The following DST variants were observed in gnomAD, a reference collection of about 807,000 sequenced individuals.
The protein encoded by DST is bullous pemphigoid antigen.
Under a neutral mutation model 875.2 loss-of-function variants are expected in DST, and 253 were observed. The observed-to-expected ratio is 0.29, with a 90% CI of 0.26 to 0.32. The LOEUF is 0.32. Ranked by LOEUF, DST falls within the 10% of genes least tolerant of loss-of-function variation. DST has a pLI of 1.00. For missense variants in DST, 8,287 were observed against 9,111.6 expected (o/e 0.91, Z 3.68); for synonymous variants, 3,124 against 3,197.1 (o/e 0.98, Z 0.77).
intron 34 of DST, among the ~76,000 whole-genome samples, chr6:56,625,721 T>C (rs79805230): frequency 0.14 from 21,514 of 150,580 alleles, 3,626 homozygotes; most frequent in African/African-American, 0.41. Flanking sequence ...TGTTTTAGAG[T>C]GTACTCCTAC....
intron 36 of DST, chr6:56,615,456 C>T: frequency 6.2e-7 from 1 of 1,610,502 alleles, no homozygotes; most frequent in Non-Finnish European, 8.5e-7. Context: ...TCATCATACT[C>T]TGAAAAAGTG....
intron 93 of DST, among the ~76,000 whole-genome samples, 167 bp from the exon 94 acceptor site, chr6:56,472,389 T>G (rs1423871439): frequency 6.6e-6 from 1 of 152,208 alleles, no homozygotes; most frequent in Non-Finnish European, 1.5e-5. Flanking sequence ...CCAAATCTGT[T>G]TTCCTTATTA....
rs115303996 is a variant in DST at position 56,915,812 on chromosome 6, C to T, written c.217-15191G>A. On this transcript the variant is annotated intron_variant, in intron 2 of 103. Coordinates refer to ENST00000680361, the MANE Select transcript of DST (RefSeq NM_001374736.1). ...GACCTAAATGTATATGCAAACTGAA[C>T]TGTTAATACTTTACGCAAGGGAAGA... Among the ~76,000 whole-genome samples, 347 of 152,334 alleles carry T rather than the reference C, an allele frequency of 2.3e-3. 3 individuals carry two copies. The highest frequency in any genetic ancestry group is 0.014 in the Middle Eastern group (4 of 294).
At chr6:56,592,966 A>C (rs778488488) in intron 48 of DST, among the ~76,000 whole-genome samples, 2 of 152,294 alleles carry the variant, frequency 1.3e-5, no homozygotes, top group South Asian at 2.1e-4. Context: ...TTAAAATAAC[A>C]TACTGATCAA....
rs201365051 is a variant in DST at position 56,552,300 on chromosome 6, A to G, written c.16492T>C (p.Tyr5498His). Residue 5498 changes from tyrosine (Y) to histidine (H), a missense_variant, in exon 61 of 104, where the codon TAC becomes CAC. By Grantham distance (83) the Tyr-to-His change is moderately conservative. Around this residue, in one of 10 missense-constraint regions of DST, gnomAD observed 777 missense variants for 764.8 expected, o/e 1.02. Coordinates refer to ENST00000680361, the MANE Select transcript of DST (RefSeq NM_001374736.1). Reference protein sequence around the residue: ...EGTIKRLEEFYSKLKEFSILL... With the variant: ...EGTIKRLEEFHSKLKEFSILL... ...ATAGAAAATTCTTTCAATTTGCTGT[A>G]AAATTCTTCAAGGCGCTTAATTGTC... The G allele has an allele frequency of 6.2e-7, 1 of 1,613,968 alleles. No homozygotes were observed. The highest frequency in any genetic ancestry group is 1.3e-5 in the African/African-American group (1 of 75,026).
chr6:56,662,339 C>G (rs903368261), intron 10 of DST, among the ~76,000 whole-genome samples: 1 of 152,176 alleles, frequency 6.6e-6, no homozygotes, highest in Non-Finnish European at 1.5e-5. Context: ...AAGACACATA[C>G]AAAGTTCAGT....
In DST at chr6:56,606,714, AG is replaced by A. The variant is rs1463121152; in HGVS notation, c.7913del (p.Pro2638LeufsTer42). The A allele has an allele frequency of 6.2e-7, 1 of 1,613,424 alleles. No homozygotes were observed. The highest frequency in any genetic ancestry group is 8.5e-7 in the Non-Finnish European group (1 of 1,179,644). ...LDGDDRDCLHPEDYDTLQEEN... is the reference protein window; with the variant it reads ...LDGDDRDCLHXEDYDTLQEEN... ...CCTCTTGCAGTGTGTCGTAGTCCTC[AG>A]GGTGCAGGCAATCACGATCATCACC... On this transcript the variant is annotated frameshift_variant, in exon 40 of 104. Transcript: ENST00000680361. LOFTEE classifies it high-confidence loss of function.
intron 26 of DST, 45 bp from the exon 27 acceptor site, chr6:56,634,303 C>G: frequency 6.2e-7 from 1 of 1,613,048 alleles, no homozygotes; most frequent in East Asian, 2.2e-5. Flanking sequence ...TTTACTCCCT[C>G]TGAAAACACA....
At chr6:56,747,156 C>A (rs1455519135) in intron 4 of DST, among the ~76,000 whole-genome samples, 1 of 152,158 alleles carries the variant, frequency 6.6e-6, no homozygotes, top group Non-Finnish European at 1.5e-5. Context: ...TGCCACAGAA[C>A]AAAACAAATG....
chr6:56,877,593 A>G (rs780021615), intron 3 of DST, among the ~76,000 whole-genome samples: 31 of 152,196 alleles, frequency 2.0e-4, no homozygotes, highest in Non-Finnish European at 3.7e-4. Context: ...ATTTGTTTTT[A>G]TTTTTATGGG....
At chr6:56,530,974 ATT>A (rs1366842503) in intron 64 of DST, among the ~76,000 whole-genome samples, 2 of 152,288 alleles carry the variant, frequency 1.3e-5, no homozygotes, top group East Asian at 3.9e-4. Context: ...GTTTTGAAAA[ATT>A]AGCTTTCTAT....
chr6:56,512,284 C>T (rs905940842), intron 72 of DST, among the ~76,000 whole-genome samples: 1 of 152,078 alleles, frequency 6.6e-6, no homozygotes, highest in East Asian at 1.9e-4. Flanking sequence ...AGTGGATCCC[C>T]ATTCCCTTTA....
chr6:56,851,608 C>A lies in DST; in HGVS notation c.418-4G>T. 1 of 1,613,144 alleles carries A rather than the reference C, an allele frequency of 6.2e-7. No homozygotes were observed. Among genetic ancestry groups the A allele is most frequent in the African/African-American group, 1.3e-5 (1 of 75,010 alleles). ...GATAGGACGCGTTCCCGGAACTCTA[C>A]AGAGAATGACACAGAAAAAGCATTA... On this transcript the variant is annotated splice_polypyrimidine_tract_variant and splice_region_variant and intron_variant, in intron 3 of 103. Transcript: ENST00000680361.
chr6:56,920,048 A>T (rs1803291147), intron 2 of DST, among the ~76,000 whole-genome samples: 1 of 152,234 alleles, frequency 6.6e-6, no homozygotes, highest in Non-Finnish European at 1.5e-5. Flanking sequence ...ACACATAAAA[A>T]TTTTGATAAA....
chr6:56,735,374 A>C (rs879817083), intron 4 of DST, 85 bp from the exon 5 acceptor site: 44 of 856,520 alleles, frequency 5.1e-5, no homozygotes, highest in Non-Finnish European at 7.8e-5. Context: ...AACAAAAATG[A>C]GATATTTAAA....
chr6:56,751,661 T>C (rs560211101), intron 4 of DST, among the ~76,000 whole-genome samples: 3 of 152,184 alleles, frequency 2.0e-5, no homozygotes, highest in Non-Finnish European at 2.9e-5. Context: ...CCTCAGAGAA[T>C]AGAGAACCAC....
chr6:56,662,777 T>C (rs2099051424), intron 10 of DST, among the ~76,000 whole-genome samples: 2 of 151,766 alleles, frequency 1.3e-5, no homozygotes, highest in Non-Finnish European at 2.9e-5. Context: ...CTGTCTCTAC[T>C]AAAAATACAA....
At chr6:56,647,688 G>GTTGTTTTTTTTTTT (rs1491402943) in intron 13 of DST, among the ~76,000 whole-genome samples, 3 of 126,886 alleles carry the variant, frequency 2.4e-5, no homozygotes, top group African/African-American at 9.5e-5. Flanking sequence ...TTTTTGTAAT[G>GTTGTTTTTTTTTTT]TTTTTTTTTT....
intron 4 of DST, among the ~76,000 whole-genome samples, chr6:56,762,343 G>C (rs1435652948): frequency 1.3e-5 from 2 of 152,186 alleles, no homozygotes; most frequent in South Asian, 2.1e-4. Context: ...TAACTTGAAA[G>C]TGAGAAGGGG....
Sources: gnomAD v4.1 joint callset for allele counts (sites outside exome capture counted in the v4.1 genomes callset) on GRCh38, gnomAD v4.1.1 for gene constraint, gnomAD v4.1.1 regional missense constraint, MANE v1.5 for transcripts, NCBI Gene and HGNC (gene_info 2026-07-23, HGNC 2026-07-21) for gene names.